The following MVB12B variants were observed in gnomAD, a reference collection of about 807,000 sequenced individuals.
The protein encoded by MVB12B is ESCRT-I complex subunit MVB12B.
A neutral mutation model predicts 41.6 loss-of-function variants in MVB12B; 16 were observed. The ratio of observed to expected loss-of-function variants is 0.38; its 90% CI spans 0.26 to 0.58. MVB12B has a LOEUF of 0.58. Ranked by LOEUF, MVB12B falls within the 20% of genes least tolerant of loss-of-function variation. The probability of loss-of-function intolerance (pLI) is 0.62; values close to 1 mark genes in which losing one functional copy is unlikely to be tolerated. For missense variants in MVB12B, 274 were observed against 380.2 expected, an observed-to-expected ratio of 0.72 and a Z score of 2.32; for synonymous variants, 133 against 139.7, an observed-to-expected ratio of 0.95 and a Z score of 0.34.
rs758297190 is a variant in MVB12B, at chr9:126,381,049, GT to G, written c.205-14del. ...TGCCTTACCTGCAATCCTTTTCTCT[GT>G]CTCTCCGGTGTAGGTTGCACAGACA... On this transcript the variant is annotated splice_polypyrimidine_tract_variant and intron_variant, in intron 2 of 9. Coordinates refer to ENST00000361171, the MANE Select transcript of MVB12B (RefSeq NM_033446.3). 1.9e-6 allele frequency: 3 copies of G among 1,610,574 alleles called. No individual in the cohort carries two copies. The South Asian group carries it at 3.3e-5, about 18-fold the overall frequency.
At chr9:126,429,242 T>C (rs1310768641) in intron 7 of MVB12B, among the ~76,000 whole-genome samples, 2 of 152,144 alleles carry the variant, frequency 1.3e-5, no homozygotes, top group African/African-American at 4.8e-5. Context: ...TTGCCCTGAC[T>C]GACAACAAAA....
chr9:126,360,048 A>G (rs888163313), intron 2 of MVB12B, among the ~76,000 whole-genome samples: 1 of 152,206 alleles, frequency 6.6e-6, no homozygotes, highest in East Asian at 1.9e-4. Flanking sequence ...CTTTTCTAAC[A>G]TAAGCATTTA....
intron 1 of MVB12B, among the ~76,000 whole-genome samples, chr9:126,334,650 CT>C (rs1474446624): frequency 1.3e-5 from 2 of 152,170 alleles, no homozygotes; most frequent in Non-Finnish European, 2.9e-5. Flanking sequence ...TGTTGGGGTC[CT>C]TTTTTTCTCC....
intron 7 of MVB12B, among the ~76,000 whole-genome samples, chr9:126,441,622 T>A (rs1832642716): frequency 6.6e-6 from 1 of 152,240 alleles, no homozygotes; most frequent in Admixed American, 6.5e-5. Flanking sequence ...GCAATTTGCA[T>A]TAGTGAATGG....
At position 126,503,534 on chromosome 9, in the gene MVB12B, C is replaced by T. The variant is rs1834007243; in HGVS notation, c.*271C>T. 1 of 502,506 alleles carries T rather than the reference C, an allele frequency of 2.0e-6. No individual in the cohort carries two copies. The highest frequency in any genetic ancestry group is 3.5e-6 in the Non-Finnish European group (1 of 282,816). The allele number at this position is 502,506 out of a possible 1,614,324, so 31.1% of individuals were successfully genotyped here. A position where few individuals can be genotyped will look rare whatever the true frequency, so the allele number is the denominator to read the frequency against. On this transcript the variant is annotated 3_prime_UTR_variant, in exon 10 of 10. Transcript: ENST00000361171. ...GCTCCTAACGTGTCTGTGTGATGAC[C>T]AGTTGTCCTCCAAAAACCTCACTCA... is the stretch of plus-strand genomic sequence containing the variant.
chr9:126,399,349 A>C (rs952736675), intron 6 of MVB12B, among the ~76,000 whole-genome samples: 2 of 152,166 alleles, frequency 1.3e-5, no homozygotes, highest in African/African-American at 4.8e-5. Flanking sequence ...TGCCTATGTC[A>C]TGCACGTCGA....
chr9:126,355,224 C>T (rs1171726844), intron 2 of MVB12B, among the ~76,000 whole-genome samples: 1 of 152,150 alleles, frequency 6.6e-6, no homozygotes, highest in Non-Finnish European at 1.5e-5. Flanking sequence ...ACTTTATTAC[C>T]ACCTCCTTCT....
At position 126,466,607 on chromosome 9, in the gene MVB12B, C is replaced by T. The variant is rs137877189; in HGVS notation, c.758-14762C>T. 3.5e-4 allele frequency among the ~76,000 whole-genome samples: 53 copies of T among 152,228 alleles called. 1 individual carries two copies. In the East Asian group the frequency reaches 6.2e-3, roughly 18 times the overall value. On this transcript the variant is annotated intron_variant, in intron 7 of 9. Coordinates refer to ENST00000361171, the MANE Select transcript of MVB12B (RefSeq NM_033446.3). ...TGCAGACCGCACCAAAGAAGACTTC[C>T]GGCCCTGACAGGTGCCAGGAGTTGT...
At chr9:126,430,959 A>G (rs144247112) in intron 7 of MVB12B, among the ~76,000 whole-genome samples, 2 of 152,286 alleles carry the variant, frequency 1.3e-5, no homozygotes, top group African/African-American at 4.8e-5. Flanking sequence ...GTAGGTAAGA[A>G]CATTTCATAA....
rs1834062765 is a variant in MVB12B at position 126,505,991 on chromosome 9, C to T, written c.*2728C>T. ...CCAGAGCACACTGTCCCCACCGCCT[C>T]CCCTTTCTCTCTGGAAAGTTGAAGT... is the stretch of plus-strand genomic sequence containing the variant. On this transcript the variant is annotated 3_prime_UTR_variant, in exon 10 of 10. Coordinates refer to ENST00000361171, the MANE Select transcript of MVB12B (RefSeq NM_033446.3). 6.6e-6 allele frequency: 1 copy of T among 152,252 alleles called. No individual in the cohort carries two copies. The highest frequency in any genetic ancestry group is 2.4e-5 in the African/African-American group (1 of 41,424). 9.4% of individuals were successfully genotyped at this position (152,252 alleles called of 1,614,324 possible).
intron 7 of MVB12B, among the ~76,000 whole-genome samples, chr9:126,474,621 T>C (rs1430483492): frequency 1.3e-5 from 2 of 152,214 alleles, no homozygotes. Context: ...CCCCTTATGC[T>C]GTGACCACCA....
intron 2 of MVB12B, among the ~76,000 whole-genome samples, chr9:126,378,611 T>C (rs1464106217): frequency 6.7e-6 from 1 of 149,394 alleles, no homozygotes; most frequent in Admixed American, 6.6e-5. Flanking sequence ...CTCTCTCTCT[T>C]TCTCTCTCTC....
chr9:126,347,382 C>T (rs1394692556), intron 2 of MVB12B, among the ~76,000 whole-genome samples: 3 of 152,262 alleles, frequency 2.0e-5, no homozygotes, highest in Non-Finnish European at 4.4e-5. Context: ...CTCTTTCTCT[C>T]AACACTATTT....
At chr9:126,482,494 C>T (rs1451625393) in intron 8 of MVB12B, among the ~76,000 whole-genome samples, 1 of 152,326 alleles carries the variant, frequency 6.6e-6, no homozygotes, top group African/African-American at 2.4e-5. Context: ...GAACTTCAGC[C>T]GACTCCACGG....
chr9:126,489,973 G>T (rs1024264380), intron 9 of MVB12B, among the ~76,000 whole-genome samples: 1 of 152,146 alleles, frequency 6.6e-6, no homozygotes, highest in Non-Finnish European at 1.5e-5. Flanking sequence ...TGGGTGACCC[G>T]GTGGGGCTGT....
rs539375529 is a variant in MVB12B at position 126,480,186 on chromosome 9, C to T, written c.758-1183C>T. On this transcript the variant is annotated intron_variant, in intron 7 of 9. Transcript: ENST00000361171. The surrounding 1 kb of genome is among the most constrained non-coding windows in gnomAD (Gnocchi z 4.9). ...ACTGCATAGCCACCACCTCAGGGTG[C>T]GGCCACCCCTGACTTCGGGGCTCCG... Among the ~76,000 whole-genome samples, 39 of 152,310 alleles carry T rather than the reference C, an allele frequency of 2.6e-4. 1 individual carries two copies. The highest frequency in any genetic ancestry group is 8.3e-4 in the South Asian group (4 of 4,828).
chr9:126,418,966 C>T (rs1404331321), intron 6 of MVB12B, among the ~76,000 whole-genome samples: 1 of 152,148 alleles, frequency 6.6e-6, no homozygotes, highest in Non-Finnish European at 1.5e-5. Flanking sequence ...CCTGTCCTGC[C>T]ACCACTGAGT....
chr9:126,419,905 A>G (rs1831951132), intron 6 of MVB12B, among the ~76,000 whole-genome samples: 1 of 152,136 alleles, frequency 6.6e-6, no homozygotes, highest in Non-Finnish European at 1.5e-5. Flanking sequence ...TAATGCCATG[A>G]TGGGGGTTTA....
intron 7 of MVB12B, among the ~76,000 whole-genome samples, chr9:126,435,627 C>G (rs922006938): frequency 2.6e-5 from 4 of 151,488 alleles, no homozygotes; most frequent in Non-Finnish European, 4.4e-5. Flanking sequence ...TCCTTTCCAA[C>G]CACTCCCCTC....
Sources: allele counts gnomAD v4.1 joint callset (sites outside exome capture counted in the v4.1 genomes callset), GRCh38; gene constraint gnomAD v4.1.1; non-coding constraint Gnocchi (gnomAD v3.1); transcripts MANE v1.5; gene names NCBI Gene and HGNC (gene_info 2026-07-23, HGNC 2026-07-21).